ATP6V0A2: variants seen among roughly 807,000 people sequenced by gnomAD.
ATP6V0A2 encodes the protein ATPase H+ transporting V0 subunit a2.
ATP6V0A2 carries 58 observed loss-of-function variants against 104.4 expected under a neutral mutation model. The observed-to-expected ratio is 0.56, with a 90% CI of 0.45 to 0.69. The LOEUF (loss-of-function observed/expected upper bound fraction) is 0.69, where lower values mean the gene tolerates loss of function less well. Ranked by LOEUF, ATP6V0A2 falls within the 30% of genes least tolerant of loss-of-function variation. The probability of loss-of-function intolerance (pLI) is 0.00; values close to 1 mark genes in which losing one functional copy is unlikely to be tolerated. For synonymous variants in ATP6V0A2, 376 were observed against 397.9 expected (o/e 0.95, Z 0.65); for missense variants, 938 against 1,062.9 (o/e 0.88, Z 1.63).
intron 15 of ATP6V0A2, chr12:123,750,900 C>T: frequency 1.6e-6 from 1 of 612,062 alleles, no homozygotes; most frequent in Non-Finnish European, 2.9e-6. Context: ...TAATACTTTA[C>T]CACAGGGTCA....
At chr12:123,718,391 A>G (rs992436309) in intron 1 of ATP6V0A2, among the ~76,000 whole-genome samples, 15 of 151,894 alleles carry the variant, frequency 9.9e-5, no homozygotes, top group African/African-American at 3.6e-4. Context: ...CCCCGGCCTA[A>G]TTTTTGTATT....
Position 123,744,777 on chromosome 12 carries a change from C to A in ATP6V0A2, c.1507C>A (p.Leu503Ile), listed in dbSNP as rs990227419. Residue 503 changes from leucine to isoleucine, a missense_variant, in exon 12 of 20, where the codon CTT becomes ATT. Leu to Ile is a conservative substitution (Grantham distance 5). Coordinates refer to ENST00000330342, the MANE Select transcript of ATP6V0A2 (RefSeq NM_012463.4). This position sits in a 1 kb window ranked among gnomAD's most constrained non-coding sequence, Gnocchi z 5.4. ...ACCCGCAGAGCATAAGAAGATGGTG[C>A]TTTGGAAGTAAGTGTCCCATAGCTG... The part of the protein sequence containing the change: ...HPPAEHKKMV[L>I]WNDSVVRHNS... The A allele has an allele frequency of 6.2e-7, 1 of 1,614,044 alleles. No homozygotes were observed. The highest frequency in any genetic ancestry group is 2.2e-5 in the East Asian group (1 of 44,894).
chr12:123,734,618 C>T (rs928178652), intron 7 of ATP6V0A2, among the ~76,000 whole-genome samples: 5 of 152,192 alleles, frequency 3.3e-5, no homozygotes, highest in Non-Finnish European at 7.3e-5. Context: ...TGTGGTACAA[C>T]AATAATCTGT....
intron 9 of ATP6V0A2, among the ~76,000 whole-genome samples, chr12:123,739,450 G>A (rs1433275465): frequency 6.6e-6 from 1 of 152,134 alleles, no homozygotes; most frequent in Non-Finnish European, 1.5e-5. Context: ...AGTTGCCTTG[G>A]TAGTCAGCTT....
At chr12:123,718,734 A>C (rs767410740) in intron 2 of ATP6V0A2, 33 bp downstream of exon 2, 1 of 1,480,000 alleles carries the variant, frequency 6.8e-7, no homozygotes, top group Non-Finnish European at 9.4e-7. Flanking sequence ...CAACTTAAAT[A>C]ATTACCTTTA....
In ATP6V0A2 at chr12:123,751,161, CTCT is replaced by C; in HGVS notation, c.1992_1994del (p.Phe664del). The C allele has an allele frequency of 6.2e-7, 1 of 1,614,158 alleles. No homozygotes were observed. The highest frequency in any genetic ancestry group is 8.5e-7 in the Non-Finnish European group (1 of 1,180,040). On this transcript the variant is annotated inframe_deletion, in exon 16 of 20. Coordinates refer to ENST00000330342, the MANE Select transcript of ATP6V0A2 (RefSeq NM_012463.4). ...TGTCACAGCATTGTCTGTCCCTGTC[CTCT>C]TCTTGGGAAAGCCACTGTTTTTGTT...
intron 18 of ATP6V0A2, among the ~76,000 whole-genome samples, chr12:123,755,522 C>T (rs1179792850): frequency 2.8e-5 from 4 of 140,404 alleles, no homozygotes; most frequent in South Asian, 2.2e-4. Context: ...GGTGACAGAC[C>T]GAGACTCTGT....
rs539595378 is a variant in ATP6V0A2, at chr12:123,756,370, G to A, written c.2294-445G>A. 7 of 153,270 alleles carry A rather than the reference G, an allele frequency of 4.6e-5. No homozygotes were observed. In the Admixed American group the frequency reaches 4.6e-4, roughly 10 times the overall value. The allele number at this position is 153,270 out of a possible 1,614,324, so 9.5% of individuals were successfully genotyped here. On this transcript the variant is annotated intron_variant, in intron 18 of 19. Coordinates refer to ENST00000330342, the MANE Select transcript of ATP6V0A2 (RefSeq NM_012463.4). ...TATGTTTTTATAAGCATAGCCAAAG[G>A]TCTGGAATTTTGTGGCTGGAGGGGC... is the stretch of plus-strand genomic sequence containing the variant.
In ATP6V0A2 at chr12:123,748,698, C is replaced by T. The variant is rs776365183; in HGVS notation, c.1848C>T (p.Thr616=). 9 of 1,614,032 alleles carry T rather than the reference C, an allele frequency of 5.6e-6. No homozygotes were observed. Among genetic ancestry groups the T allele is most frequent in the Non-Finnish European group, 7.6e-6 (9 of 1,180,032 alleles). ...FYKWLVFSAE[T]SRVAPSILIE... is the part of the protein sequence containing the mutation. Reference sequence around the variant, plus strand: ...AGTGGCTGGTTTTTTCAGCAGAAACCTCCAGAGTTGCTCCCAGCATTCTGA... The same window carrying T: ...AGTGGCTGGTTTTTTCAGCAGAAACTTCCAGAGTTGCTCCCAGCATTCTGA... Residue 616 remains threonine, a synonymous_variant, in exon 15 of 20, where the codon ACC becomes ACT. Coordinates refer to ENST00000330342, the MANE Select transcript of ATP6V0A2 (RefSeq NM_012463.4).
intron 9 of ATP6V0A2, chr12:123,738,858 C>A (rs953143318): frequency 6.6e-6 from 1 of 152,162 alleles, no homozygotes; most frequent in Non-Finnish European, 1.5e-5. Flanking sequence ...TTACATAATT[C>A]TGTGATGATA....
intron 18 of ATP6V0A2, 77 bp from the exon 19 acceptor site, chr12:123,756,738 A>T (rs944889659): frequency 2.6e-6 from 4 of 1,517,922 alleles, no homozygotes; most frequent in Admixed American, 1.7e-5. Flanking sequence ...TCAGGGGGAA[A>T]CTCAGTCCAG....
chr12:123,757,910 G>A lies in ATP6V0A2; in HGVS notation c.2466-17G>A, dbSNP rs1566295273. The A allele has an allele frequency of 1.8e-5, 23 of 1,300,026 alleles. No homozygotes were observed. The highest frequency in any genetic ancestry group is 2.4e-5 in the Non-Finnish European group (22 of 911,558). 80.5% of individuals were successfully genotyped at this position (1,300,026 alleles called of 1,614,324 possible). On this transcript the variant is annotated splice_polypyrimidine_tract_variant and intron_variant, in intron 19 of 19. Coordinates refer to ENST00000330342, the MANE Select transcript of ATP6V0A2 (RefSeq NM_012463.4). The stretch of plus-strand genomic sequence containing the variant: ...TTTCATAATCTTCCATTAATACATG[G>A]CTTTTTTTTTTTTTAGGGTAGAATT...
In ATP6V0A2 at chr12:123,735,284, C is replaced by T. The variant is rs112784463; in HGVS notation, c.732-247C>T. 0.01 allele frequency among the ~76,000 whole-genome samples: 1,523 copies of T among 152,078 alleles called. 18 individuals are homozygous for T. Among genetic ancestry groups the T allele is most frequent in the African/African-American group, 0.034 (1,415 of 41,440 alleles). ...GGAAGCTGGAATTGGGAATGAGCTT[C>T]CAGGAATCATTGAGGGCAGGAGTGG... On this transcript the variant is annotated intron_variant, in intron 7 of 19. Transcript: ENST00000330342.
At chr12:123,729,651 G>A (rs868268246) in intron 6 of ATP6V0A2, among the ~76,000 whole-genome samples, 4 of 152,230 alleles carry the variant, frequency 2.6e-5, no homozygotes, top group South Asian at 2.1e-4. Context: ...AAATGAGGAT[G>A]AACTGCTGAT....
intron 18 of ATP6V0A2, among the ~76,000 whole-genome samples, chr12:123,755,175 G>T (rs572122063): frequency 6.6e-6 from 1 of 152,258 alleles, no homozygotes; most frequent in South Asian, 2.1e-4. Flanking sequence ...AGTGGTGCTC[G>T]GCAATGTTTC....
At position 123,748,741 on chromosome 12, in the gene ATP6V0A2, T is replaced by C; in HGVS notation, c.1891T>C (p.Phe631Leu). 1 of 1,614,224 alleles carries C rather than the reference T, an allele frequency of 6.2e-7. No individual in the cohort carries two copies. The highest frequency in any genetic ancestry group is 8.5e-7 in the Non-Finnish European group (1 of 1,180,048). The change falls in exon 15 of 20, where the codon TTT becomes CTT. Residue 631 changes from phenylalanine to leucine, a missense_variant. Phe to Leu is a conservative substitution (Grantham distance 22). Transcript: ENST00000330342. ...CATTCTGATTGAATTTATTAACATG[T>C]TTTTATTCCCAGCCAGTAAAACAAG... is the stretch of plus-strand genomic sequence containing the variant. Reference protein sequence around the residue: ...PSILIEFINMFLFPASKTSGL... With the variant: ...PSILIEFINMLLFPASKTSGL...
chr12:123,721,167 T>A (rs1163981606), intron 2 of ATP6V0A2: 1 of 152,428 alleles, frequency 6.6e-6, no homozygotes, highest in Non-Finnish European at 1.5e-5. Flanking sequence ...TTGGCTGGTG[T>A]ACTATTAGTT....
rs1956709519 is a variant in ATP6V0A2 at position 123,751,102 on chromosome 12, A to G, written c.1936-8A>G. The stretch of plus-strand genomic sequence containing the variant: ...TTTAATCGGGTTTCTCACCTTCTGC[A>G]CTAACAGGAGTATGTCCAGAGAGTG... On this transcript the variant is annotated splice_region_variant and splice_polypyrimidine_tract_variant and intron_variant, in intron 15 of 19. Coordinates refer to ENST00000330342, the MANE Select transcript of ATP6V0A2 (RefSeq NM_012463.4). 1 of 1,613,984 alleles carries G rather than the reference A, an allele frequency of 6.2e-7. No individual in the cohort carries two copies. Among genetic ancestry groups the G allele is most frequent in the South Asian group, 1.1e-5 (1 of 91,088 alleles).
chr12:123,744,943 C>G lies in ATP6V0A2; in HGVS notation c.1576C>G (p.Arg526Gly), dbSNP rs777574912. The stretch of plus-strand genomic sequence containing the variant: ...GGATCCAAGCATTCCTGGAGTGTTC[C>G]GAGGCCCTTATCCCCTTGGCATTGA... The part of the protein sequence containing the change: ...QLDPSIPGVF[R>G]GPYPLGIDPI... The change falls in exon 13 of 20, where the codon CGA (arginine) becomes GGA (glycine). Residue 526 changes from arginine (R) to glycine (G), a missense_variant. Transcript: ENST00000330342. The surrounding 1 kb of genome is among the most constrained non-coding windows in gnomAD (Gnocchi z 5.4). 3.7e-6 allele frequency: 6 copies of G among 1,614,194 alleles called. No individual in the cohort carries two copies. In the South Asian group the frequency reaches 4.4e-5, roughly 12 times the overall value.
Sources: allele counts gnomAD v4.1 joint callset (sites outside exome capture counted in the v4.1 genomes callset), GRCh38; gene constraint gnomAD v4.1.1; non-coding constraint Gnocchi (gnomAD v3.1); transcripts MANE v1.5; gene names NCBI Gene and HGNC (gene_info 2026-07-23, HGNC 2026-07-21).